The following HSD17B12 variants were observed in gnomAD, a reference collection of about 807,000 sequenced individuals.
HSD17B12 encodes very-long-chain 3-oxoacyl-CoA reductase.
Under a neutral mutation model 39.3 loss-of-function variants are expected in HSD17B12, and 32 were observed. The ratio of observed to expected loss-of-function variants is 0.81; its 90% CI spans 0.61 to 1.09. The LOEUF (loss-of-function observed/expected upper bound fraction) is 1.09. HSD17B12 is among the 50% of genes least tolerant of loss of function. The pLI is 0.00. For missense variants in HSD17B12, 342 were observed against 382.9 expected (o/e 0.89, Z 0.89); for synonymous variants, 150 against 146.7 (o/e 1.02, Z -0.16).
the HSD17B12 span, among the ~76,000 whole-genome samples, chr11:43,627,263 A>C: frequency 1.3e-5 from 2 of 151,866 alleles, no homozygotes; most frequent in Non-Finnish European, 2.9e-5. Context: ...ACTTGATAAT[A>C]ATGAACTGCA....
At chr11:43,699,705 C>G (rs926741011) in intron 1 of HSD17B12, among the ~76,000 whole-genome samples, 10 of 151,990 alleles carry the variant, frequency 6.6e-5, no homozygotes, top group African/African-American at 2.2e-4. Flanking sequence ...CATTCAAGTT[C>G]AGTTTATTTG....
intron 1 of HSD17B12, among the ~76,000 whole-genome samples, chr11:43,742,133 A>T (rs1280005010): frequency 2.9e-4 from 21 of 71,606 alleles, no homozygotes; most frequent in East Asian, 1.1e-3. Flanking sequence ...ATATATATAT[A>T]TATATATTTT....
At chr11:43,587,744 G>T in the HSD17B12 span, among the ~76,000 whole-genome samples, 16 of 152,174 alleles carry the variant, frequency 1.1e-4, no homozygotes, top group African/African-American at 3.6e-4. Context: ...TGGTAAAGTC[G>T]ATGGTTCCAT....
upstream of HSD17B12, among the ~76,000 whole-genome samples, chr11:43,679,671 T>A (rs1949722386): frequency 6.6e-6 from 1 of 152,128 alleles, no homozygotes; most frequent in South Asian, 2.1e-4. Context: ...AATTAAAAGA[T>A]ATAGTCTCCT....
chr11:43,682,339 T>A (rs1328555532), intron 1 of HSD17B12, among the ~76,000 whole-genome samples: 4 of 152,012 alleles, frequency 2.6e-5, no homozygotes, highest in African/African-American at 9.7e-5. Flanking sequence ...GATCACAAGG[T>A]CAGGAGTTTG....
chr11:43,670,513 G>A, the HSD17B12 span: 1 of 152,144 alleles, frequency 6.6e-6, no homozygotes, highest in African/African-American at 2.4e-5. Context: ...TAGGTGGTGA[G>A]TTTACAGTTT....
At chr11:43,778,133 TA>T (rs1223580691) in intron 3 of HSD17B12, among the ~76,000 whole-genome samples, 1 of 151,642 alleles carries the variant, frequency 6.6e-6, no homozygotes, top group African/African-American at 2.4e-5. Flanking sequence ...ATAGACACAA[TA>T]AAAAATGATA....
At chr11:43,772,821 A>G (rs1407790552) in intron 3 of HSD17B12, among the ~76,000 whole-genome samples, 1 of 152,112 alleles carries the variant, frequency 6.6e-6, no homozygotes, top group Non-Finnish European at 1.5e-5. Flanking sequence ...GGAAAAGAAA[A>G]AGCTTTCAGC....
the HSD17B12 span, among the ~76,000 whole-genome samples, chr11:43,637,994 T>C: frequency 4.6e-5 from 7 of 151,958 alleles, no homozygotes; most frequent in African/African-American, 1.2e-4. Context: ...TCTGCCTCTG[T>C]GGCATTTGTC....
chr11:43,798,496 A>T (rs1290058999), intron 4 of HSD17B12, 69 bp downstream of exon 4: 21 of 988,664 alleles, frequency 2.1e-5, no homozygotes, highest in Non-Finnish European at 3.1e-5. Flanking sequence ...TTTGGATGTT[A>T]AGTGGTAAAA....
chr11:43,771,751 G>C (rs1427296085), intron 3 of HSD17B12, among the ~76,000 whole-genome samples: 1 of 152,092 alleles, frequency 6.6e-6, no homozygotes, highest in East Asian at 1.9e-4. Context: ...ACAGGTGTGA[G>C]CCACTGCGCC....
At chr11:43,828,917 A>G (rs1951278410) in intron 6 of HSD17B12, among the ~76,000 whole-genome samples, 1 of 152,238 alleles carries the variant, frequency 6.6e-6, no homozygotes, top group Non-Finnish European at 1.5e-5. Context: ...ATTTGTATAT[A>G]CATACTCATA....
At chr11:43,680,054 C>T (rs976150085), upstream of HSD17B12, among the ~76,000 whole-genome samples, 7 of 139,948 alleles carry the variant, frequency 5.0e-5, no homozygotes, top group Admixed American at 2.3e-4. Flanking sequence ...AACTGTGGCT[C>T]CACACCTATT....
At chr11:43,776,794 G>A (rs1020714321) in intron 3 of HSD17B12, among the ~76,000 whole-genome samples, 7 of 152,058 alleles carry the variant, frequency 4.6e-5, no homozygotes, top group African/African-American at 1.4e-4. Flanking sequence ...AAGGTGTAAG[G>A]AAGGGATCCA....
At chr11:43,823,921 G>C (rs1951207484) in intron 6 of HSD17B12, among the ~76,000 whole-genome samples, 1 of 152,190 alleles carries the variant, frequency 6.6e-6, no homozygotes, top group Admixed American at 6.5e-5. Flanking sequence ...GAATCTGCCA[G>C]AAGTGGAAGA....
intron 1 of HSD17B12, among the ~76,000 whole-genome samples, chr11:43,704,079 A>C (rs1949991862): frequency 6.6e-6 from 1 of 152,222 alleles, no homozygotes; most frequent in Admixed American, 6.5e-5. Context: ...CGTGCTCCCC[A>C]GTGGTATGGT....
chr11:43,854,544 G>A lies in HSD17B12; in HGVS notation c.685-171G>A, dbSNP rs1367503319. 59 of 609,434 alleles carry A rather than the reference G, an allele frequency of 9.7e-5. 1 individual carries two copies. The highest frequency in any genetic ancestry group is 1.7e-5 in the Non-Finnish European group (6 of 347,306). The allele number at this position is 609,434 out of a possible 1,614,324, so 37.8% of individuals were successfully genotyped here. A position where few individuals can be genotyped will look rare whatever the true frequency, so the allele number is the denominator to read the frequency against. On this transcript the variant is annotated intron_variant, in intron 9 of 10. Coordinates refer to ENST00000278353, the MANE Select transcript of HSD17B12 (RefSeq NM_016142.3). ...TTGATTTGTTACAATTTGTTTTATG[G>A]TATCATGTGTTCTATCAAGTTGGCT...
At chr11:43,811,965 T>C (rs957035886) in intron 4 of HSD17B12, among the ~76,000 whole-genome samples, 7 of 152,184 alleles carry the variant, frequency 4.6e-5, no homozygotes, top group Non-Finnish European at 8.8e-5. Context: ...AATGAGAACA[T>C]GCAATATTTG....
Position 43,750,928 on chromosome 11 carries a change from G to C in HSD17B12, c.178G>C (p.Asp60His). The change falls in exon 2 of 11, where the codon GAT (aspartate) becomes CAT (histidine). Residue 60 changes from aspartate (D) to histidine (H), a missense_variant. Asp to His is a moderately conservative substitution (Grantham distance 81, BLOSUM62 -1). Coordinates refer to ENST00000278353, the MANE Select transcript of HSD17B12 (RefSeq NM_016142.3). ...TTTCCCAGTTGTCACAGGTAGTACT[G>C]ATGGAATTGGAAAATCATATGCAGA... ...GEWAVVTGST[D>H]GIGKSYAEEL... is the part of the protein sequence containing the mutation. 1 of 1,602,712 alleles carries C rather than the reference G, an allele frequency of 6.2e-7. No homozygotes were observed. Among genetic ancestry groups the C allele is most frequent in the South Asian group, 1.1e-5 (1 of 89,248 alleles).
Sources: allele counts gnomAD v4.1 joint callset (sites outside exome capture counted in the v4.1 genomes callset), GRCh38; gene constraint gnomAD v4.1.1; transcripts MANE v1.5; gene names NCBI Gene and HGNC (gene_info 2026-07-23, HGNC 2026-07-21).